The following RSBN1L variants were observed in gnomAD, a reference collection of about 807,000 sequenced individuals.
The protein encoded by RSBN1L is round spermatid basic protein 1 like, also known as lysine-specific demethylase RSBN1L.
A neutral mutation model predicts 67.7 loss-of-function variants in RSBN1L; 30 were observed. The observed-to-expected ratio is 0.44, with a 90% CI of 0.33 to 0.60. RSBN1L has a LOEUF of 0.60. Ranked by LOEUF, RSBN1L falls within the 20% of genes least tolerant of loss-of-function variation. RSBN1L has a pLI of 0.02. For synonymous variants in RSBN1L, 433 were observed against 387.0 expected, an observed-to-expected ratio of 1.12 and a Z score of -1.39; for missense variants, 992 against 1,031.7, an observed-to-expected ratio of 0.96 and a Z score of 0.53.
At chr7:77,717,805 G>T (rs2150415212) in intron 1 of RSBN1L, among the ~76,000 whole-genome samples, 1 of 152,264 alleles carries the variant, frequency 6.6e-6, no homozygotes, top group East Asian at 1.9e-4. Context: ...ATCACCTGAG[G>T]TCAGGAGTTC....
chr7:77,716,791 C>T (rs558579072), intron 1 of RSBN1L, among the ~76,000 whole-genome samples: 1 of 151,848 alleles, frequency 6.6e-6, no homozygotes, highest in African/African-American at 2.4e-5. Flanking sequence ...ACCACCACGC[C>T]AGGCTATTTT....
At chr7:77,702,089 C>T (rs1790826647) in intron 1 of RSBN1L, among the ~76,000 whole-genome samples, 1 of 152,172 alleles carries the variant, frequency 6.6e-6, no homozygotes, top group Admixed American at 6.5e-5. Flanking sequence ...CCTCAGCCTC[C>T]TGAGTAGCTG....
At chr7:77,739,918 A>AT (rs993465122) in intron 2 of RSBN1L, among the ~76,000 whole-genome samples, 2 of 149,784 alleles carry the variant, frequency 1.3e-5, no homozygotes, top group African/African-American at 4.9e-5. Flanking sequence ...CCTAGGGCTA[A>AT]TTTTTTGTAT....
At chr7:77,763,261 G>C (rs182567014) in intron 3 of RSBN1L, among the ~76,000 whole-genome samples, 106 of 149,078 alleles carry the variant, frequency 7.1e-4, no homozygotes, top group African/African-American at 2.3e-3. Context: ...TTACAGTTTC[G>C]TGTCACCACC....
At chr7:77,726,527 A>T (rs932141578) in intron 1 of RSBN1L, among the ~76,000 whole-genome samples, 4 of 152,158 alleles carry the variant, frequency 2.6e-5, no homozygotes, top group Non-Finnish European at 4.4e-5. Flanking sequence ...AATTTAATTT[A>T]AAAATATCGA....
chr7:77,739,833 T>C (rs1791385782), intron 2 of RSBN1L, among the ~76,000 whole-genome samples: 1 of 116,230 alleles, frequency 8.6e-6, no homozygotes, highest in Non-Finnish European at 1.7e-5. Flanking sequence ...CACTGCAAAC[T>C]CTGCCTCCTG....
In RSBN1L at chr7:77,716,997, G is replaced by T. The variant is rs1025418480; in HGVS notation, c.587-19413G>T. ...TTCAAAGGAGACAGGGTCTTGCTCT[G>T]TTGCCCAGGCTGGAGTGCAGTGGCG... On this transcript the variant is annotated intron_variant, in intron 1 of 7. Coordinates refer to ENST00000334955, the MANE Select transcript of RSBN1L (RefSeq NM_198467.3). Among the ~76,000 whole-genome samples the T allele has an allele frequency of 2.0e-5, 3 of 149,496 alleles. No homozygotes were observed. In the East Asian group the frequency reaches 5.9e-4, roughly 29 times the overall value.
At position 77,696,970 on chromosome 7, in the gene RSBN1L, G is replaced by C. The variant is rs1305897195; in HGVS notation, c.501G>C (p.Glu167Asp). The C allele has an allele frequency of 1.3e-6, 2 of 1,567,318 alleles. No homozygotes were observed. Among genetic ancestry groups the C allele is most frequent in the Non-Finnish European group, 1.7e-6 (2 of 1,164,800 alleles). Residue 167 changes from glutamate to aspartate, a missense_variant, in exon 1 of 8, where the codon GAG becomes GAC. Glu to Asp is a conservative substitution (Grantham distance 45). This residue lies in a region of RSBN1L where 575 missense variants were observed against 483.2 expected (regional missense o/e 1.19). Transcript: ENST00000334955. Reference protein sequence around the residue: ...SRRPKEKREKERRRHGLGGAR... With the variant: ...SRRPKEKREKDRRRHGLGGAR... The stretch of plus-strand genomic sequence containing the variant: ...GACCTAAGGAGAAGCGGGAGAAGGA[G>C]AGGAGGAGGCACGGTCTCGGTGGGG...
chr7:77,729,420 A>T lies in RSBN1L; in HGVS notation c.587-6990A>T, dbSNP rs1469133612. Reference sequence around the variant, plus strand: ...GACTAGTGAATTTTATTGAAACCAGATGAGATTATTTTGTTACTAAGAACA... The same window carrying T: ...GACTAGTGAATTTTATTGAAACCAGTTGAGATTATTTTGTTACTAAGAACA... On this transcript the variant is annotated intron_variant, in intron 1 of 7. Coordinates refer to ENST00000334955, the MANE Select transcript of RSBN1L (RefSeq NM_198467.3). Among the ~76,000 whole-genome samples, 3 of 152,220 alleles carry T rather than the reference A, an allele frequency of 2.0e-5. No individual in the cohort carries two copies. In the East Asian group the frequency reaches 5.8e-4, roughly 29 times the overall value.
chr7:77,732,840 A>G (rs575786031), intron 1 of RSBN1L, among the ~76,000 whole-genome samples: 95 of 152,316 alleles, frequency 6.2e-4, no homozygotes, highest in African/African-American at 2.3e-3. Context: ...TCTTTACACA[A>G]ACTCCATTTT....
At chr7:77,768,594 A>C (rs992529809) in intron 4 of RSBN1L, 67 bp from the exon 5 acceptor site, 2 of 1,386,796 alleles carry the variant, frequency 1.4e-6, no homozygotes, top group Non-Finnish European at 2.0e-6. Context: ...GAACAATATT[A>C]TTATTAACAT....
At position 77,731,983 on chromosome 7, in the gene RSBN1L, G is replaced by A. The variant is rs75343106; in HGVS notation, c.587-4427G>A. ...CCTATTTTGTTCCATTGATCTGTTT[G>A]TGTATTCTTTTGCCTATAATACATT... On this transcript the variant is annotated intron_variant, in intron 1 of 7. Transcript: ENST00000334955. 2.0e-5 allele frequency among the ~76,000 whole-genome samples: 3 copies of A among 151,844 alleles called. No homozygotes were observed. The East Asian group carries it at 5.8e-4, about 29-fold the overall frequency.
chr7:77,741,159 G>C (rs934057659), intron 2 of RSBN1L, among the ~76,000 whole-genome samples: 1 of 150,966 alleles, frequency 6.6e-6, no homozygotes, highest in African/African-American at 2.4e-5. Flanking sequence ...GCTAATTTTT[G>C]TGTTTGTAGT....
At chr7:77,770,726 G>T (rs566706922) in intron 5 of RSBN1L, among the ~76,000 whole-genome samples, 64 of 152,172 alleles carry the variant, frequency 4.2e-4, no homozygotes, top group Admixed American at 1.2e-3. Flanking sequence ...AAAATGTCTT[G>T]ATCTGGATGG....
chr7:77,749,523 G>A lies in RSBN1L; in HGVS notation c.803G>A (p.Arg268His), dbSNP rs186514747. 659 of 1,609,758 alleles carry A rather than the reference G, an allele frequency of 4.1e-4. 1 individual carries two copies. In the East Asian group the frequency reaches 4.9e-3, roughly 12 times the overall value. Residue 268 changes from arginine (R) to histidine (H), a missense_variant, in exon 3 of 8, where the codon CGT becomes CAT. Arg to His is a conservative substitution (Grantham distance 29). Around this residue, in one of 7 missense-constraint regions of RSBN1L, gnomAD observed 575 missense variants for 483.2 expected, o/e 1.19. Coordinates refer to ENST00000334955, the MANE Select transcript of RSBN1L (RefSeq NM_198467.3). Reference sequence around the variant, plus strand: ...CACAAAGAGAATGAAAAACGGAAGCGTCCGAAAATGTATAGCAAATCTATT... The same window carrying A: ...CACAAAGAGAATGAAAAACGGAAGCATCCGAAAATGTATAGCAAATCTATT... Reference protein sequence around the residue: ...KKHKENEKRKRPKMYSKSIQT... With the variant: ...KKHKENEKRKHPKMYSKSIQT...
chr7:77,742,178 A>C (rs372159329), intron 2 of RSBN1L, among the ~76,000 whole-genome samples: 1 of 85,832 alleles, frequency 1.2e-5, no homozygotes, highest in Non-Finnish European at 2.2e-5. Flanking sequence ...AAAAAAAAAA[A>C]AAATACACAC....
At position 77,781,386 on chromosome 7, in the gene RSBN1L, A is replaced by C. The variant is rs935572882; in HGVS notation, c.*2218A>C. 6 of 152,262 alleles carry C rather than the reference A, an allele frequency of 3.9e-5. No homozygotes were observed. The highest frequency in any genetic ancestry group is 9.6e-5 in the African/African-American group (4 of 41,478). The allele number at this position is 152,262 out of a possible 1,614,324, so 9.4% of individuals were successfully genotyped here. ...TTTTTGAGTGGCAGAAGTTCTTAAC[A>C]AACCAGTATTGAGAAATAAGAAGGG... On this transcript the variant is annotated 3_prime_UTR_variant, in exon 8 of 8. Transcript: ENST00000334955.
At chr7:77,721,580 G>C (rs1395569521) in intron 1 of RSBN1L, among the ~76,000 whole-genome samples, 3 of 152,178 alleles carry the variant, frequency 2.0e-5, no homozygotes, top group Admixed American at 6.5e-5. Context: ...AGGATGTGTA[G>C]GATTTGGGCA....
At chr7:77,753,819 T>C (rs944331240) in intron 3 of RSBN1L, among the ~76,000 whole-genome samples, 1 of 152,246 alleles carries the variant, frequency 6.6e-6, no homozygotes, top group Non-Finnish European at 1.5e-5. Context: ...CATCTGGAAT[T>C]GATCTTTGTA....
Sources: gnomAD v4.1 joint callset for allele counts (sites outside exome capture counted in the v4.1 genomes callset) on GRCh38, gnomAD v4.1.1 for gene constraint, gnomAD v4.1.1 regional missense constraint, MANE v1.5 for transcripts, NCBI Gene and HGNC (gene_info 2026-07-23, HGNC 2026-07-21) for gene names.